The following BCAR3 variants were observed in gnomAD, a reference collection of about 807,000 sequenced individuals.
BCAR3 encodes BCAR3 adaptor protein, NSP family member, also known as breast cancer anti-estrogen resistance protein 3.
Under a neutral mutation model 80.1 loss-of-function variants are expected in BCAR3, and 37 were observed. That is an observed-to-expected ratio of 0.46 (90% CI 0.36 to 0.61). The LOEUF (loss-of-function observed/expected upper bound fraction) is 0.61, where lower values mean the gene tolerates loss of function less well. Among genes scored for constraint, BCAR3 ranks in the 20% least tolerant of loss-of-function variants. The pLI is 0.00. For missense variants in BCAR3, 978 were observed against 1,068.2 expected, an observed-to-expected ratio of 0.92 and a Z score of 1.18; for synonymous variants, 389 against 418.9, an observed-to-expected ratio of 0.93 and a Z score of 0.87.
intron 2 of BCAR3, among the ~76,000 whole-genome samples, chr1:93,742,160 G>A (rs146919394): frequency 6.6e-6 from 1 of 152,218 alleles, no homozygotes; most frequent in African/African-American, 2.4e-5. Flanking sequence ...AGTGGTGCAG[G>A]GTATCAGAGT....
intron 2 of BCAR3, among the ~76,000 whole-genome samples, chr1:93,643,170 C>A (rs936441021): frequency 6.2e-5 from 9 of 144,976 alleles, no homozygotes; most frequent in African/African-American, 2.3e-4. Context: ...GAGGTTGCGG[C>A]GAGCCAAGAT....
chr1:93,847,246 G>A, upstream of BCAR3: 1 of 187,436 alleles, frequency 5.3e-6, no homozygotes, highest in Non-Finnish European at 1.1e-5. Flanking sequence ...GCTTGGGGCA[G>A]GAAGGGAGCC....
chr1:93,590,152 T>C (rs577148527), intron 4 of BCAR3: 1 of 152,316 alleles, frequency 6.6e-6, no homozygotes, highest in South Asian at 2.1e-4. Flanking sequence ...ATCTTACAGT[T>C]ACTATCAGGG....
chr1:93,691,671 C>T (rs184282640), intron 3 of BCAR3, among the ~76,000 whole-genome samples: 3 of 152,188 alleles, frequency 2.0e-5, no homozygotes, highest in Non-Finnish European at 2.9e-5. Context: ...GCAGGCAGAG[C>T]CCAGGAAGGA....
chr1:93,748,716 C>T (rs11164974), intron 2 of BCAR3, among the ~76,000 whole-genome samples: 60,495 of 152,098 alleles, frequency 0.4, 13,284 homozygotes, highest in Non-Finnish European at 0.5. Flanking sequence ...CAATTAATAG[C>T]ACTTCAAATA....
intron 3 of BCAR3, among the ~76,000 whole-genome samples, chr1:93,619,753 C>T (rs1168259192): frequency 6.6e-6 from 1 of 152,250 alleles, no homozygotes; most frequent in Non-Finnish European, 1.5e-5. Flanking sequence ...CGCCAGTTCT[C>T]TGTCTCACAA....
intron 3 of BCAR3, among the ~76,000 whole-genome samples, chr1:93,628,190 A>G (rs139401395): frequency 3.3e-4 from 50 of 152,022 alleles, no homozygotes; most frequent in African/African-American, 1.1e-3. Context: ...CTCTTCTCCC[A>G]CCTCATGTCC....
chr1:93,659,330 G>A (rs530868927), intron 2 of BCAR3, among the ~76,000 whole-genome samples: 13 of 152,038 alleles, frequency 8.6e-5, no homozygotes, highest in South Asian at 4.2e-4. Flanking sequence ...GACTACAATC[G>A]CATGCCACCA....
chr1:93,608,993 C>T (rs1219167150), intron 3 of BCAR3, among the ~76,000 whole-genome samples: 1 of 152,212 alleles, frequency 6.6e-6, no homozygotes, highest in Non-Finnish European at 1.5e-5. Context: ...AGTCCCCAAG[C>T]TGTCACCGTA....
intron 1 of BCAR3, among the ~76,000 whole-genome samples, chr1:93,678,343 C>T (rs1648590685): frequency 3.3e-5 from 5 of 152,176 alleles, no homozygotes; most frequent in Admixed American, 6.5e-5. Context: ...TCAATGCATA[C>T]ATTCATGGAG....
intron 2 of BCAR3, among the ~76,000 whole-genome samples, chr1:93,743,629 A>C (rs960599794): frequency 6.6e-6 from 1 of 152,220 alleles, no homozygotes; most frequent in African/African-American, 2.4e-5. Flanking sequence ...ATCTAAGCAC[A>C]TGGTGTTTTC....
chr1:93,640,514 G>A (rs921533711), intron 3 of BCAR3, among the ~76,000 whole-genome samples: 3 of 152,090 alleles, frequency 2.0e-5, no homozygotes, highest in African/African-American at 7.2e-5. Context: ...GGTACCCTTC[G>A]GAATACCTCA....
At position 93,660,015 on chromosome 1, in the gene BCAR3, G is replaced by A. The variant is rs112980056; in HGVS notation, c.317+14599C>T. ...CACTGTATTCACCTTTGTACCTCCC[G>A]TGCAGTTGCTCCATGTATGTTGGTT... On this transcript the variant is annotated intron_variant, in intron 2 of 11. Coordinates refer to ENST00000260502, the MANE Select transcript of BCAR3 (RefSeq NM_003567.4). Among the ~76,000 whole-genome samples, 169 of 152,116 alleles carry A rather than the reference G, an allele frequency of 1.1e-3. 1 individual carries two copies. Among genetic ancestry groups the A allele is most frequent in the African/African-American group, 3.6e-3 (149 of 41,482 alleles).
chr1:93,589,328 T>C lies in BCAR3; in HGVS notation c.578A>G (p.Lys193Arg). The change falls in exon 5 of 12, where the codon AAG (lysine) becomes AGG (arginine). Residue 193 changes from lysine to arginine, a missense_variant. Physicochemically the swap from Lys to Arg is conservative, Grantham distance 26. Transcript: ENST00000260502. Reference sequence around the variant, plus strand: ...GATTTTGAAGTGCTGAGCGAGGTTCTTCCACTGACAGGTCAGGACAAAGTT... The same window carrying C: ...GATTTTGAAGTGCTGAGCGAGGTTCCTCCACTGACAGGTCAGGACAAAGTT... Reference protein sequence around the residue: ...PGNFVLTCQWKNLAQHFKINR... With the variant: ...PGNFVLTCQWRNLAQHFKINR... 1 of 1,614,164 alleles carries C rather than the reference T, an allele frequency of 6.2e-7. No homozygotes were observed. The highest frequency in any genetic ancestry group is 8.5e-7 in the Non-Finnish European group (1 of 1,180,018).
intron 2 of BCAR3, among the ~76,000 whole-genome samples, chr1:93,707,033 G>A (rs1649850247): frequency 6.6e-6 from 1 of 151,968 alleles, no homozygotes; most frequent in South Asian, 2.1e-4. Flanking sequence ...AAATTAACCA[G>A]GTGTGGTGGC....
At chr1:93,847,731 A>G (rs1655279478), upstream of BCAR3, 1 of 150,360 alleles carries the variant, frequency 6.7e-6, no homozygotes, top group Admixed American at 6.6e-5. Flanking sequence ...TTTTTGCTAA[A>G]CGGTTTAACT....
At chr1:93,735,650 T>C (rs1031385627) in intron 2 of BCAR3, among the ~76,000 whole-genome samples, 5 of 152,218 alleles carry the variant, frequency 3.3e-5, no homozygotes, top group East Asian at 1.9e-4. Flanking sequence ...AAAATACATA[T>C]AGTTTTTCAA....
At chr1:93,572,368 G>A (rs1673255090) in intron 8 of BCAR3, among the ~76,000 whole-genome samples, 1 of 152,210 alleles carries the variant, frequency 6.6e-6, no homozygotes, top group Non-Finnish European at 1.5e-5. Context: ...TAAGAATGGT[G>A]TTCTCCAGCC....
chr1:93,823,122 G>C (rs12410105), intron 2 of BCAR3, among the ~76,000 whole-genome samples: 24,786 of 132,208 alleles, frequency 0.19, 6,487 homozygotes, highest in East Asian at 0.39. Context: ...GGCGTACAGC[G>C]TGGAAATGAC....
Sources: allele counts gnomAD v4.1 joint callset (sites outside exome capture counted in the v4.1 genomes callset), GRCh38; gene constraint gnomAD v4.1.1; transcripts MANE v1.5; gene names NCBI Gene and HGNC (gene_info 2026-07-23, HGNC 2026-07-21).